The following ZSWIM6 variants were observed in gnomAD, a reference collection of about 807,000 sequenced individuals.
ZSWIM6 encodes the protein zinc finger SWIM domain-containing protein 6.
In ZSWIM6, 9 loss-of-function variants were observed where a neutral mutation model predicts 113.2. The ratio of observed to expected loss-of-function variants is 0.08; its 90% CI spans 0.05 to 0.14. ZSWIM6 has a LOEUF of 0.14. Ranked by LOEUF, ZSWIM6 falls within the 10% of genes least tolerant of loss-of-function variation. The probability of loss-of-function intolerance (pLI) is 1.00; values close to 1 mark genes in which losing one functional copy is unlikely to be tolerated. For missense variants in ZSWIM6, 1,162 were observed against 1,552.2 expected (o/e 0.75, Z 4.22); for synonymous variants, 611 against 606.5 (o/e 1.01, Z -0.11).
chr5:61,477,455 G>C (rs1354037242), intron 2 of ZSWIM6, among the ~76,000 whole-genome samples: 3 of 152,188 alleles, frequency 2.0e-5, no homozygotes, highest in Non-Finnish European at 2.9e-5. Context: ...GTTATCTACA[G>C]AGGCATAGGA....
At chr5:61,526,506 C>T in intron 7 of ZSWIM6, 110 bp downstream of exon 7, 2 of 1,208,146 alleles carry the variant, frequency 1.7e-6, no homozygotes, top group Non-Finnish European at 2.3e-6. Context: ...TAGATGATGG[C>T]TTTACTCGCC....
At chr5:61,367,060 A>T (rs1745173741) in intron 1 of ZSWIM6, among the ~76,000 whole-genome samples, 2 of 152,184 alleles carry the variant, frequency 1.3e-5, no homozygotes, top group Admixed American at 1.3e-4. Flanking sequence ...AGAATTCAAC[A>T]AGAGCAGTTT....
At chr5:61,489,120 A>T (rs1421932599) in intron 2 of ZSWIM6, among the ~76,000 whole-genome samples, 1 of 151,984 alleles carries the variant, frequency 6.6e-6, no homozygotes, top group South Asian at 2.1e-4. Context: ...TATTTCTTCC[A>T]TGCACCATGT....
chr5:61,420,710 A>G (rs773593925), intron 1 of ZSWIM6, among the ~76,000 whole-genome samples: 7 of 152,248 alleles, frequency 4.6e-5, no homozygotes, highest in Non-Finnish European at 7.4e-5. Flanking sequence ...ATGTATATTT[A>G]TGGACTATAT....
chr5:61,390,572 G>T, intron 1 of ZSWIM6: 2 of 552,610 alleles, frequency 3.6e-6, no homozygotes, highest in South Asian at 3.6e-5. Context: ...TTTTGTGAAT[G>T]AGCATTGTCA....
rs1319270786 is a variant in ZSWIM6 at position 61,541,977 on chromosome 5, CTG to C, written c.2785+13_2785+14del. Reference sequence around the variant, plus strand: ...TGCTACTGAAGTCGGTAGGTAAACTCTGGAACAGAAGCTTTCCTAGGTGCCTC... The same window carrying C: ...TGCTACTGAAGTCGGTAGGTAAACTCGAACAGAAGCTTTCCTAGGTGCCTC... On this transcript the variant is annotated intron_variant, in intron 13 of 13. Transcript: ENST00000252744. The C allele has an allele frequency of 1.9e-6, 3 of 1,548,070 alleles. No homozygotes were observed. In the Admixed American group the frequency reaches 5.9e-5, roughly 30 times the overall value.
At chr5:61,414,323 T>A (rs1746204537) in intron 1 of ZSWIM6, among the ~76,000 whole-genome samples, 1 of 151,920 alleles carries the variant, frequency 6.6e-6, no homozygotes, top group African/African-American at 2.4e-5. Flanking sequence ...GAAGCCAAGG[T>A]GATTTTGAGG....
chr5:61,433,616 G>A (rs1305347111), intron 1 of ZSWIM6, among the ~76,000 whole-genome samples: 1 of 151,956 alleles, frequency 6.6e-6, no homozygotes, highest in African/African-American at 2.4e-5. Context: ...GGGATTACAG[G>A]CTTGTACCAC....
chr5:61,391,424 A>AG, intron 1 of ZSWIM6: 1 of 1,021,926 alleles, frequency 9.8e-7, no homozygotes, highest in East Asian at 2.4e-5. Flanking sequence ...ATGCTGCTGA[A>AG]GTCCTTCTCC....
chr5:61,410,529 C>G (rs533494433), intron 1 of ZSWIM6, among the ~76,000 whole-genome samples: 25 of 151,884 alleles, frequency 1.6e-4, no homozygotes, highest in African/African-American at 5.1e-4. Flanking sequence ...AGGATGGTCT[C>G]GATCTCCTGA....
rs374590409 is a variant in ZSWIM6, at chr5:61,535,492, T to C, written c.2254T>C (p.Tyr752His). 63 of 1,551,176 alleles carry C rather than the reference T, an allele frequency of 4.1e-5. No homozygotes were observed. The highest frequency in any genetic ancestry group is 4.7e-5 in the Non-Finnish European group (54 of 1,146,676). ...QAVFLLEAGP[Y>H]SGLGEIIHRE... ...ATGCTCTCTTCCCACAGCCGGACCA[T>C]ATAGTGGTTTAGGTGAAATAATCCA... The change falls in exon 10 of 14, where the codon TAT becomes CAT. Residue 752 changes from tyrosine to histidine, a missense_variant. Physicochemically the swap from Tyr to His is moderately conservative, Grantham distance 83. Transcript: ENST00000252744.
intron 2 of ZSWIM6, among the ~76,000 whole-genome samples, chr5:61,478,448 CAT>C (rs1269292244): frequency 6.6e-6 from 1 of 152,166 alleles, no homozygotes; most frequent in African/African-American, 2.4e-5. Context: ...CATGTGCAGA[CAT>C]GTGCACACAT....
chr5:61,516,277 T>C (rs1748937591), intron 4 of ZSWIM6, among the ~76,000 whole-genome samples: 1 of 150,420 alleles, frequency 6.6e-6, no homozygotes, highest in Admixed American at 6.6e-5. Flanking sequence ...ATTATTTATT[T>C]TAAAATGTTT....
In ZSWIM6 at chr5:61,521,408, C is replaced by T. The variant is rs1483546566; in HGVS notation, c.1479C>T (p.Thr493=). ...ATGGCAGTGAATTACCCAACTTAAC[C>T]AATGCTCTGCCTCAGGGTGCAAATG... ...GNHGSELPNL[T]NALPQGANAN... is the part of the protein sequence containing the mutation. Residue 493 remains threonine, a synonymous_variant, in exon 5 of 14, where the codon ACC becomes ACT. Transcript: ENST00000252744. 1 of 1,520,912 alleles carries T rather than the reference C, an allele frequency of 6.6e-7. No homozygotes were observed. The highest frequency in any genetic ancestry group is 8.8e-7 in the Non-Finnish European group (1 of 1,132,300). The allele number at this position is 1,520,912 out of a possible 1,614,324, so 94.2% of individuals were successfully genotyped here. A position where few individuals can be genotyped will look rare whatever the true frequency, so the allele number is the denominator to read the frequency against.
chr5:61,494,604 G>C (rs982647482), intron 4 of ZSWIM6, among the ~76,000 whole-genome samples, 194 bp downstream of exon 4: 2 of 152,094 alleles, frequency 1.3e-5, no homozygotes, highest in African/African-American at 4.8e-5. Flanking sequence ...ACCTTAGCAG[G>C]GTTTTGGGGG....
intron 2 of ZSWIM6, among the ~76,000 whole-genome samples, chr5:61,487,029 GT>G (rs904244139): frequency 6.6e-6 from 1 of 151,834 alleles, no homozygotes; most frequent in African/African-American, 2.4e-5. Context: ...TTTTCCCTAG[GT>G]TTTCTTCTAG....
intron 1 of ZSWIM6, among the ~76,000 whole-genome samples, chr5:61,382,522 G>A (rs1745505833): frequency 6.6e-6 from 1 of 152,142 alleles, no homozygotes; most frequent in Admixed American, 6.5e-5. Flanking sequence ...AAAAAATTTG[G>A]GCTGGGCGCA....
At chr5:61,501,061 T>C (rs1275936816) in intron 4 of ZSWIM6, among the ~76,000 whole-genome samples, 2 of 152,156 alleles carry the variant, frequency 1.3e-5, no homozygotes, top group East Asian at 1.9e-4. Flanking sequence ...ATTGGTCAAT[T>C]GTATTGCTGA....
At position 61,473,003 on chromosome 5, in the gene ZSWIM6, T is replaced by A; in HGVS notation, c.999T>A (p.Ile333=). The change falls in exon 2 of 14, where the codon ATT becomes ATA. Residue 333 remains isoleucine (I), a synonymous_variant. Coordinates refer to ENST00000252744, the MANE Select transcript of ZSWIM6 (RefSeq NM_020928.2). The part of the protein sequence containing the change: ...LPTAQKLADE[I]LSQNSEINQV... ...CTGCTCAAAAATTAGCAGATGAAAT[T>A]CTTTCCCAAAATTCAGAAATCAACC... 8 of 1,536,866 alleles carry A rather than the reference T, an allele frequency of 5.2e-6. No individual in the cohort carries two copies. The highest frequency in any genetic ancestry group is 7.0e-6 in the Non-Finnish European group (8 of 1,136,228).
Sources: gnomAD v4.1 joint callset for allele counts (sites outside exome capture counted in the v4.1 genomes callset) on GRCh38, gnomAD v4.1.1 for gene constraint, MANE v1.5 for transcripts, NCBI Gene and HGNC (gene_info 2026-07-23, HGNC 2026-07-21) for gene names.